Variants in PCDHGB1 observed in about 807,000 individuals in gnomAD.
PCDHGB1 encodes protocadherin gamma subfamily B, 1.
Under a neutral mutation model 56.6 loss-of-function variants are expected in PCDHGB1, and 34 were observed. That is an observed-to-expected ratio of 0.60 (90% confidence interval 0.46 to 0.80). The LOEUF is 0.80. Ranked by LOEUF, PCDHGB1 falls within the 30% of genes least tolerant of loss-of-function variation. The probability of loss-of-function intolerance (pLI) is 0.00; values close to 1 mark genes in which losing one functional copy is unlikely to be tolerated. For missense variants in PCDHGB1, 1,278 were observed against 1,204.6 expected, an observed-to-expected ratio of 1.06 and a Z score of -0.90; for synonymous variants, 561 against 505.9, an observed-to-expected ratio of 1.11 and a Z score of -1.46.
intron 1 of PCDHGB1, among the ~76,000 whole-genome samples, chr5:141,482,652 G>C (rs1276348234): frequency 6.6e-6 from 1 of 152,074 alleles, no homozygotes; most frequent in African/African-American, 2.4e-5. Flanking sequence ...GGTGATGCTT[G>C]AGCTATGATC....
intron 1 of PCDHGB1, chr5:141,371,710 CTCT>C: frequency 6.2e-7 from 1 of 1,614,076 alleles, no homozygotes; most frequent in Non-Finnish European, 8.5e-7. Flanking sequence ...AAGACCATCA[CTCT>C]GCACATCCTT....
In PCDHGB1 at chr5:141,490,670, C is replaced by A. The variant is rs1003577285; in HGVS notation, c.2410-4137C>A. ...CCGGGCTCCCTTCTTTGCACTGTGG[C>A]TGCCTCAGATCCAGACACTGGGGAT... On this transcript the variant is annotated intron_variant, in intron 1 of 3. Coordinates refer to ENST00000523390, the MANE Select transcript of PCDHGB1 (RefSeq NM_018922.3). This position sits in a 1 kb window ranked among gnomAD's most constrained non-coding sequence, Gnocchi z 5.4. 4 of 1,614,194 alleles carry A rather than the reference C, an allele frequency of 2.5e-6. No homozygotes were observed. The highest frequency in any genetic ancestry group is 3.4e-6 in the Non-Finnish European group (4 of 1,179,986).
rs775674745 is a variant in PCDHGB1 at position 141,371,722 on chromosome 5, T to C, written c.2409+19053T>C. The C allele has an allele frequency of 3.1e-5, 50 of 1,613,944 alleles. No homozygotes were observed. In the South Asian group the frequency reaches 5.4e-4, roughly 17 times the overall value. On this transcript the variant is annotated intron_variant, in intron 1 of 3. Coordinates refer to ENST00000523390, the MANE Select transcript of PCDHGB1 (RefSeq NM_018922.3). ...AGCAAGACCATCACTCTGCACATCC[T>C]TGATGTCAACGACAACGTTCCCGTT...
chr5:141,365,442 T>C, intron 1 of PCDHGB1: 1 of 1,614,014 alleles, frequency 6.2e-7, no homozygotes, highest in Non-Finnish European at 8.5e-7. Context: ...CTGTTTAGCG[T>C]ACATGATGGT....
At chr5:141,400,262 G>T (rs1485452553) in intron 1 of PCDHGB1, 1 of 1,613,914 alleles carries the variant, frequency 6.2e-7, no homozygotes, top group African/African-American at 1.3e-5. Flanking sequence ...TTGCGCCTGC[G>T]ACGCTCCTCC....
chr5:141,460,726 A>G lies in PCDHGB1; in HGVS notation c.2410-34081A>G, dbSNP rs545089217. ...GAGAATAAACTATTGTTATAAGCAT[A>G]TATACACATTGTATATATATGTGTA... On this transcript the variant is annotated intron_variant, in intron 1 of 3. Coordinates refer to ENST00000523390, the MANE Select transcript of PCDHGB1 (RefSeq NM_018922.3). Among the ~76,000 whole-genome samples the G allele has an allele frequency of 6.6e-5, 10 of 152,252 alleles. No homozygotes were observed. In the East Asian group the frequency reaches 1.9e-3, roughly 29 times the overall value.
chr5:141,479,616 C>A (rs1371541860), intron 1 of PCDHGB1: 2 of 152,232 alleles, frequency 1.3e-5, no homozygotes, highest in African/African-American at 4.8e-5. Flanking sequence ...TATAGGGAAA[C>A]CATGTCTCTT....
Position 141,350,796 on chromosome 5 carries a change from C to A in PCDHGB1, c.536C>A (p.Thr179Lys), listed in dbSNP as rs780182840. 2.5e-6 allele frequency: 4 copies of A among 1,613,966 alleles called. No individual in the cohort carries two copies. The highest frequency in any genetic ancestry group is 4.5e-5 in the East Asian group (2 of 44,884). The change falls in exon 1 of 4, where the codon ACG becomes AAG. Residue 179 changes from threonine (T) to lysine (K), a missense_variant. Physicochemically the swap from Thr to Lys is moderately conservative, Grantham distance 78. Transcript: ENST00000523390. The part of the protein sequence containing the change: ...INPNQYFSLS[T>K]KESPDGSKYP... ...CCCAATCAATACTTCTCTCTGTCAA[C>A]GAAGGAAAGTCCTGATGGAAGTAAA...
chr5:141,465,519 T>C (rs2099104752), intron 1 of PCDHGB1, among the ~76,000 whole-genome samples: 1 of 152,224 alleles, frequency 6.6e-6, no homozygotes, highest in East Asian at 1.9e-4. Context: ...GGAAGGATTC[T>C]GGGGAAGTTT....
At chr5:141,412,591 A>G (rs2095564760) in intron 1 of PCDHGB1, 1 of 152,214 alleles carries the variant, frequency 6.6e-6, no homozygotes, top group Non-Finnish European at 1.5e-5. Flanking sequence ...ATGAATGTAT[A>G]CTAAATAAAA....
intron 1 of PCDHGB1, among the ~76,000 whole-genome samples, chr5:141,464,019 C>A (rs1285414825): frequency 2.0e-5 from 3 of 151,984 alleles, no homozygotes; most frequent in African/African-American, 4.8e-5. Context: ...TAATCCCACA[C>A]TTTGGGAGGC....
intron 1 of PCDHGB1, chr5:141,426,767 A>C (rs1219028777): frequency 2.2e-6 from 1 of 456,666 alleles, no homozygotes. Flanking sequence ...ATGCAGATGT[A>C]GGGCCTCACT....
At chr5:141,412,861 A>T (rs925106716) in intron 1 of PCDHGB1, 19 of 235,604 alleles carry the variant, frequency 8.1e-5, no homozygotes, top group African/African-American at 3.4e-4. Context: ...CAAAGAATCT[A>T]TGTAAAATAT....
rs56172360 is a variant in PCDHGB1, at chr5:141,369,006, T to C, written c.2409+16337T>C. 9.9e-3 allele frequency among the ~76,000 whole-genome samples: 1,506 copies of C among 152,332 alleles called. 25 individuals are homozygous for C. Among genetic ancestry groups the C allele is most frequent in the African/African-American group, 0.034 (1,404 of 41,566 alleles). ...TAAGGTGAATTCGGTGTGGAACTCA[T>C]TGCTTATTGCTGCACACTTGCCTAG... On this transcript the variant is annotated intron_variant, in intron 1 of 3. Transcript: ENST00000523390.
chr5:141,375,705 C>T, intron 1 of PCDHGB1: 7 of 1,614,280 alleles, frequency 4.3e-6, no homozygotes, highest in Non-Finnish European at 5.9e-6. Context: ...GGGGACCCGC[C>T]TCTTAGCAGC....
At chr5:141,481,531 G>A (rs1342825952) in intron 1 of PCDHGB1, among the ~76,000 whole-genome samples, 2 of 152,206 alleles carry the variant, frequency 1.3e-5, no homozygotes, top group African/African-American at 4.8e-5. Context: ...AAAATCTAGA[G>A]ATGGGGCTGG....
intron 1 of PCDHGB1, chr5:141,468,662 C>G (rs1381049343): frequency 6.6e-6 from 1 of 150,534 alleles, no homozygotes; most frequent in East Asian, 2.0e-4. Context: ...GTCAGGAGAT[C>G]AAGACCATCC....
chr5:141,443,650 CA>C (rs2098397782), intron 1 of PCDHGB1, among the ~76,000 whole-genome samples: 1 of 152,150 alleles, frequency 6.6e-6, no homozygotes. Flanking sequence ...ATAATGTTAG[CA>C]TAGCATTTTA....
In PCDHGB1 at chr5:141,374,216, G is replaced by A. The variant is rs745786041; in HGVS notation, c.2409+21547G>A. On this transcript the variant is annotated intron_variant, in intron 1 of 3. Transcript: ENST00000523390. The stretch of plus-strand genomic sequence containing the variant: ...CGAGGAGCTGGAGAAAGGCTCCTTC[G>A]TAGGCAACATCGTCAAGGATCTGGG... The A allele has an allele frequency of 5.6e-6, 9 of 1,613,860 alleles. No individual in the cohort carries two copies. In the South Asian group the frequency reaches 7.7e-5, roughly 14 times the overall value.
Sources: allele counts gnomAD v4.1 joint callset (sites outside exome capture counted in the v4.1 genomes callset), GRCh38; gene constraint gnomAD v4.1.1; non-coding constraint Gnocchi (gnomAD v3.1); transcripts MANE v1.5; gene names NCBI Gene and HGNC (gene_info 2026-07-23, HGNC 2026-07-21).